Variants in APP observed in about 807,000 individuals in gnomAD.
APP encodes amyloid beta precursor protein, also known as amyloid-beta precursor protein.
Under a neutral mutation model 101.4 loss-of-function variants are expected in APP, and 31 were observed. The ratio of observed to expected loss-of-function variants is 0.31; its 90% CI spans 0.23 to 0.41. The LOEUF (loss-of-function observed/expected upper bound fraction) is 0.41. Ranked by LOEUF, APP falls within the 10% of genes least tolerant of loss-of-function variation. The pLI is 1.00. For missense variants in APP, 839 were observed against 1,003.7 expected (o/e 0.84, Z 2.22); for synonymous variants, 366 against 364.4 (o/e 1.00, Z -0.05).
chr21:25,972,761 G>A (rs1022202033), intron 11 of APP, among the ~76,000 whole-genome samples: 3 of 151,648 alleles, frequency 2.0e-5, no homozygotes, highest in Non-Finnish European at 4.4e-5. Context: ...CTGGATCTGC[G>A]CAAAGAGTTT....
intron 6 of APP, among the ~76,000 whole-genome samples, chr21:26,006,921 T>C (rs1479580331): frequency 6.6e-6 from 1 of 152,206 alleles, no homozygotes; most frequent in Non-Finnish European, 1.5e-5. Context: ...TCATTGAATT[T>C]CAAGTATTCT....
intron 15 of APP, among the ~76,000 whole-genome samples, chr21:25,904,755 G>GAA (rs578096417): frequency 1.4e-5 from 2 of 138,272 alleles, no homozygotes; most frequent in Non-Finnish European, 3.2e-5. Context: ...AAAGAAAAAA[G>GAA]AAAAAAAAAA....
intron 8 of APP, among the ~76,000 whole-genome samples, chr21:25,993,103 C>T (rs1040197484): frequency 3.3e-5 from 5 of 152,128 alleles, no homozygotes; most frequent in African/African-American, 1.2e-4. Flanking sequence ...TGAGCTTCTG[C>T]GGCAACAAAC....
intron 3 of APP, among the ~76,000 whole-genome samples, chr21:26,070,452 C>A (rs1352109110): frequency 6.6e-6 from 1 of 152,080 alleles, no homozygotes; most frequent in African/African-American, 2.4e-5. Flanking sequence ...GCAGAAAATG[C>A]CCCTGGAGAA....
intron 1 of APP, among the ~76,000 whole-genome samples, chr21:26,112,924 T>C (rs1350062506): frequency 6.6e-6 from 1 of 152,076 alleles, no homozygotes; most frequent in African/African-American, 2.4e-5. Context: ...CAAAATAACT[T>C]CATGAAAAAG....
At chr21:26,138,391 G>T (rs2062966061) in intron 1 of APP, among the ~76,000 whole-genome samples, 1 of 151,914 alleles carries the variant, frequency 6.6e-6, no homozygotes. Flanking sequence ...TAAACTAAGG[G>T]ACTGAAACTA....
chr21:25,995,612 C>G (rs2043023030), intron 8 of APP, among the ~76,000 whole-genome samples: 1 of 152,106 alleles, frequency 6.6e-6, no homozygotes, highest in Non-Finnish European at 1.5e-5. Context: ...TGTGAAAATG[C>G]TCGGTACAAT....
At chr21:25,966,592 A>T (rs2146534393) in intron 11 of APP, among the ~76,000 whole-genome samples, 1 of 152,274 alleles carries the variant, frequency 6.6e-6, no homozygotes, top group East Asian at 1.9e-4. Flanking sequence ...TCAGCAAATA[A>T]TTTTTAACTT....
At chr21:26,114,112 C>T (rs1009082198) in intron 1 of APP, among the ~76,000 whole-genome samples, 2 of 152,190 alleles carry the variant, frequency 1.3e-5, no homozygotes, top group African/African-American at 4.8e-5. Context: ...TTTACCATAG[C>T]TGGTAAATAT....
chr21:25,886,326 G>A lies in APP; in HGVS notation c.2212-4555C>T, dbSNP rs1296992113. Among the ~76,000 whole-genome samples the A allele has an allele frequency of 2.6e-5, 4 of 152,170 alleles. No homozygotes were observed. The East Asian group carries it at 5.8e-4, about 22-fold the overall frequency. ...TATAGTTATATATAACTAGAAGGCA[G>A]TTGACTATGTTTATGGCCAACATCA... is the stretch of plus-strand genomic sequence containing the variant. On this transcript the variant is annotated intron_variant, in intron 17 of 17. Transcript: ENST00000346798.
At chr21:26,059,027 G>C (rs972189912) in intron 3 of APP, among the ~76,000 whole-genome samples, 6 of 151,620 alleles carry the variant, frequency 4.0e-5, no homozygotes, top group Non-Finnish European at 7.4e-5. Flanking sequence ...CTTGCAGTGA[G>C]CCGAGATCGC....
chr21:26,118,349 CTT>C (rs1051409765), intron 1 of APP, among the ~76,000 whole-genome samples: 4 of 152,268 alleles, frequency 2.6e-5, no homozygotes, highest in East Asian at 1.9e-4. Flanking sequence ...CAAACAAACT[CTT>C]AGCCTCAAAA....
At chr21:26,143,300 C>T (rs1430722003) in intron 1 of APP, among the ~76,000 whole-genome samples, 1 of 152,136 alleles carries the variant, frequency 6.6e-6, no homozygotes, top group Non-Finnish European at 1.5e-5. Flanking sequence ...TAGCAAGACC[C>T]AGTCTTAAAA....
chr21:26,091,070 T>C (rs1385055871), intron 2 of APP, among the ~76,000 whole-genome samples: 1 of 152,180 alleles, frequency 6.6e-6, no homozygotes, highest in Non-Finnish European at 1.5e-5. Flanking sequence ...AACATAAACA[T>C]AAAAATCTAT....
intron 5 of APP, among the ~76,000 whole-genome samples, chr21:26,045,634 T>C (rs2045574920): frequency 6.6e-6 from 1 of 152,210 alleles, no homozygotes; most frequent in Admixed American, 6.5e-5. Flanking sequence ...CGGCCCACTG[T>C]ATCTAGATAG....
chr21:26,000,582 G>C (rs2043250653), intron 6 of APP, among the ~76,000 whole-genome samples: 1 of 152,206 alleles, frequency 6.6e-6, no homozygotes, highest in Non-Finnish European at 1.5e-5. Flanking sequence ...TGAAGCGAAA[G>C]TTTAAGCCCT....
At chr21:25,928,169 C>T (rs755538687) in intron 13 of APP, among the ~76,000 whole-genome samples, 6 of 148,330 alleles carry the variant, frequency 4.0e-5, no homozygotes, top group East Asian at 4.0e-4. Flanking sequence ...GAGGTGAAAT[C>T]GCGTCTCTAC....
intron 2 of APP, among the ~76,000 whole-genome samples, chr21:26,110,798 A>C (rs1434223931): frequency 1.3e-5 from 2 of 152,200 alleles, no homozygotes; most frequent in African/African-American, 4.8e-5. Context: ...AAAAAGGATT[A>C]CAACAAAAGA....
intron 13 of APP, chr21:25,941,358 A>C (rs1378860477): frequency 2.0e-5 from 3 of 152,272 alleles, no homozygotes; most frequent in Non-Finnish European, 4.4e-5. Context: ...CAAAAAAAGC[A>C]AAGTCTGTGA....
Sources: gnomAD v4.1 joint callset for allele counts (sites outside exome capture counted in the v4.1 genomes callset) on GRCh38, gnomAD v4.1.1 for gene constraint, MANE v1.5 for transcripts, NCBI Gene and HGNC (gene_info 2026-07-23, HGNC 2026-07-21) for gene names.